The following SEPTIN9 variants were observed in gnomAD, a reference collection of about 807,000 sequenced individuals.
SEPTIN9 encodes septin 9.
In SEPTIN9, 13 loss-of-function variants were observed where a neutral mutation model predicts 56.6. That is an observed-to-expected ratio of 0.23 (90% confidence interval 0.15 to 0.37). The LOEUF (loss-of-function observed/expected upper bound fraction) is 0.37, where lower values mean the gene tolerates loss of function less well. Ranked by LOEUF, SEPTIN9 falls within the 10% of genes least tolerant of loss-of-function variation. SEPTIN9 has a pLI of 1.00. For missense variants in SEPTIN9, 650 were observed against 823.1 expected (o/e 0.79, Z 2.57); for synonymous variants, 332 against 334.1 (o/e 0.99, Z 0.07).
chr17:77,407,862 C>T (rs185855805), intron 3 of SEPTIN9, among the ~76,000 whole-genome samples: 2 of 152,328 alleles, frequency 1.3e-5, no homozygotes, highest in South Asian at 2.1e-4. Context: ...CTCCTGGATC[C>T]CTGCTCTTTT....
At chr17:77,325,086 C>T (rs1239902486) in intron 2 of SEPTIN9, among the ~76,000 whole-genome samples, 4 of 152,060 alleles carry the variant, frequency 2.6e-5, no homozygotes, top group African/African-American at 9.7e-5. Context: ...CCCAAAGTGC[C>T]GGAGTTACAG....
chr17:77,475,824 C>T lies in SEPTIN9; in HGVS notation c.722-6320C>T. The T allele has an allele frequency of 1.2e-6, 2 of 1,613,506 alleles. No individual in the cohort carries two copies. Among genetic ancestry groups the T allele is most frequent in the Non-Finnish European group, 1.7e-6 (2 of 1,179,890 alleles). On this transcript the variant is annotated intron_variant, in intron 3 of 11. Transcript: ENST00000427177. This position sits in a 1 kb window ranked among gnomAD's most constrained non-coding sequence, Gnocchi z 4.6. ...ACCGGCTCCCCTGCCGTGGCCTGGT[C>T]AGTGGCTTCACAGGCCTCCGTGGGC...
At position 77,492,594 on chromosome 17, in the gene SEPTIN9, G is replaced by T. The variant is rs772649346; in HGVS notation, c.1381-27G>T. The T allele has an allele frequency of 6.2e-7, 1 of 1,602,498 alleles. No homozygotes were observed. Among genetic ancestry groups the T allele is most frequent in the Non-Finnish European group, 8.5e-7 (1 of 1,169,630 alleles). On this transcript the variant is annotated intron_variant, in intron 8 of 11. Transcript: ENST00000427177. This position sits in a 1 kb window ranked among gnomAD's most constrained non-coding sequence, Gnocchi z 5.4. The stretch of plus-strand genomic sequence containing the variant: ...TGGGTAGAGCTTGCCACAGGGATGG[G>T]CCCATCTCTCTCCCTCCTTATCCCA...
At chr17:77,412,880 G>C (rs2036353156) in intron 3 of SEPTIN9, among the ~76,000 whole-genome samples, 1 of 151,844 alleles carries the variant, frequency 6.6e-6, no homozygotes, top group Admixed American at 6.6e-5. Flanking sequence ...TTTAGCTTTT[G>C]GAATTCACAT....
chr17:77,364,842 C>T (rs867664155), intron 2 of SEPTIN9, among the ~76,000 whole-genome samples: 1 of 152,202 alleles, frequency 6.6e-6, no homozygotes, highest in Non-Finnish European at 1.5e-5. Flanking sequence ...CTGGAGGCTC[C>T]CCACTTCCAC....
At chr17:77,383,155 T>A (rs2035206197) in intron 2 of SEPTIN9, among the ~76,000 whole-genome samples, 1 of 142,762 alleles carries the variant, frequency 7.0e-6, no homozygotes, top group South Asian at 2.5e-4. Flanking sequence ...CCTCTTTCTT[T>A]CCCTCCCTCT....
At chr17:77,442,756 C>T (rs1214913779) in intron 3 of SEPTIN9, among the ~76,000 whole-genome samples, 2 of 151,852 alleles carry the variant, frequency 1.3e-5, no homozygotes, top group Admixed American at 6.6e-5. Context: ...ACCTGTAATC[C>T]CAGCTACTTG....
chr17:77,447,765 C>T (rs1478693422), intron 3 of SEPTIN9, among the ~76,000 whole-genome samples: 14 of 152,230 alleles, frequency 9.2e-5, no homozygotes, highest in Admixed American at 9.2e-4. Context: ...GCTGGGACTA[C>T]AGGCACACAC....
intron 2 of SEPTIN9, among the ~76,000 whole-genome samples, chr17:77,308,090 A>G (rs1414031011): frequency 1.3e-5 from 2 of 152,188 alleles, no homozygotes; most frequent in South Asian, 2.1e-4. Flanking sequence ...GGTCACAGCA[A>G]TGAATGGACT....
chr17:77,414,698 C>T lies in SEPTIN9; in HGVS notation c.721+11995C>T, dbSNP rs545708016. 3.6e-4 allele frequency among the ~76,000 whole-genome samples: 55 copies of T among 151,814 alleles called. No homozygotes were observed. The South Asian group carries it at 4.6e-3, about 13-fold the overall frequency. Reference sequence around the variant, plus strand: ...GCTCAAGCCATCCTCCCACCATGGCCTCCCGAGTAGCTGAGACTACAGGCC... The same window carrying T: ...GCTCAAGCCATCCTCCCACCATGGCTTCCCGAGTAGCTGAGACTACAGGCC... On this transcript the variant is annotated intron_variant, in intron 3 of 11. Transcript: ENST00000427177.
chr17:77,287,535 G>A (rs531487525), intron 1 of SEPTIN9, among the ~76,000 whole-genome samples: 1 of 152,334 alleles, frequency 6.6e-6, no homozygotes, highest in Non-Finnish European at 1.5e-5. Context: ...TCTCCTGTAC[G>A]CTGGAGGCTC....
chr17:77,469,607 G>A (rs1221186328), intron 3 of SEPTIN9: 3 of 152,324 alleles, frequency 2.0e-5, no homozygotes, highest in Non-Finnish European at 4.4e-5. Flanking sequence ...CATCCCCCCA[G>A]GCGGTGTTCC....
intron 3 of SEPTIN9, among the ~76,000 whole-genome samples, chr17:77,448,283 G>C (rs1258385962): frequency 6.6e-6 from 1 of 152,022 alleles, no homozygotes; most frequent in African/African-American, 2.4e-5. Context: ...GACCAGCCTG[G>C]CCAACATGGT....
intron 2 of SEPTIN9, among the ~76,000 whole-genome samples, chr17:77,307,483 A>G (rs2032317818): frequency 6.6e-6 from 1 of 151,878 alleles, no homozygotes; most frequent in African/African-American, 2.4e-5. Context: ...AACAGGAGAT[A>G]GATAGGGCTG....
At position 77,459,172 on chromosome 17, in the gene SEPTIN9, C is replaced by T. The variant is rs191693505; in HGVS notation, c.722-22972C>T. ...CTTGGTCTGATTCCTGCTTCCTGCC[C>T]GCCTGGGAAGAGTGAGACCACTTGC... On this transcript the variant is annotated intron_variant, in intron 3 of 11. Coordinates refer to ENST00000427177, the MANE Select transcript of SEPTIN9 (RefSeq NM_001113491.2). Among the ~76,000 whole-genome samples the T allele has an allele frequency of 1.3e-3, 195 of 152,350 alleles. 1 individual carries two copies. Among genetic ancestry groups the T allele is most frequent in the African/African-American group, 4.4e-3 (185 of 41,586 alleles).
Position 77,318,502 on chromosome 17 carries a change from C to A in SEPTIN9, c.76+11305C>A, listed in dbSNP as rs1211988760. Among the ~76,000 whole-genome samples the A allele has an allele frequency of 1.3e-5, 2 of 152,132 alleles. No homozygotes were observed. Among genetic ancestry groups the A allele is most frequent in the East Asian group, 3.9e-4 (2 of 5,194 alleles). ...GATTAGGACATGCTATCCCTGGGGC[C>A]ATTATTCAGCCTTCTCTCGTGACTA... On this transcript the variant is annotated intron_variant, in intron 2 of 11. Transcript: ENST00000427177. This position sits in a 1 kb window ranked among gnomAD's most constrained non-coding sequence, Gnocchi z 4.9.
At chr17:77,483,787 C>T (rs2039555770) in intron 4 of SEPTIN9, 2 of 152,280 alleles carry the variant, frequency 1.3e-5, no homozygotes, top group African/African-American at 4.8e-5. Context: ...CTGTCTGGGC[C>T]TCTTCGCCCT....
intron 2 of SEPTIN9, among the ~76,000 whole-genome samples, chr17:77,351,507 G>A (rs112646221): frequency 4.4e-4 from 67 of 152,302 alleles, no homozygotes; most frequent in African/African-American, 1.6e-3. Context: ...CACGTCTGCA[G>A]CTCTGGGCAT....
At position 77,436,334 on chromosome 17, in the gene SEPTIN9, C is replaced by A. The variant is rs1036671394; in HGVS notation, c.721+33631C>A. Among the ~76,000 whole-genome samples, 2 of 152,260 alleles carry A rather than the reference C, an allele frequency of 1.3e-5. No individual in the cohort carries two copies. Among genetic ancestry groups the A allele is most frequent in the Admixed American group, 6.5e-5 (1 of 15,292 alleles). On this transcript the variant is annotated intron_variant, in intron 3 of 11. Transcript: ENST00000427177. The surrounding 1 kb of genome is among the most constrained non-coding windows in gnomAD (Gnocchi z 4.4). Reference sequence around the variant, plus strand: ...CACCCTGCATGTTTCATTCCACCGACTTCTGCAGCCCAGCTGTTCAGAGCG... The same window carrying A: ...CACCCTGCATGTTTCATTCCACCGAATTCTGCAGCCCAGCTGTTCAGAGCG...
Sources: gnomAD v4.1 joint callset for allele counts (sites outside exome capture counted in the v4.1 genomes callset) on GRCh38, gnomAD v4.1.1 for gene constraint, Gnocchi (gnomAD v3.1) non-coding constraint, MANE v1.5 for transcripts, NCBI Gene and HGNC (gene_info 2026-07-23, HGNC 2026-07-21) for gene names.